Variants in NFASC observed in about 807,000 individuals in gnomAD.
The protein encoded by NFASC is neurofascin.
NFASC carries 43 observed loss-of-function variants against 147.5 expected under a neutral mutation model. That is an observed-to-expected ratio of 0.29 (90% CI 0.23 to 0.38). The LOEUF (loss-of-function observed/expected upper bound fraction) is 0.38. Ranked by LOEUF, NFASC falls within the 10% of genes least tolerant of loss-of-function variation. The pLI is 1.00. For synonymous variants in NFASC, 622 were observed against 665.5 expected, an observed-to-expected ratio of 0.93 and a Z score of 1.01; for missense variants, 1,320 against 1,689.0, an observed-to-expected ratio of 0.78 and a Z score of 3.83.
At chr1:204,980,511 T>C (rs908555457) in intron 20 of NFASC, 71 bp downstream of exon 20, 2 of 1,148,156 alleles carry the variant, frequency 1.7e-6, no homozygotes, top group African/African-American at 1.5e-5. Context: ...TCTCCCTTGA[T>C]GCCCCGACAC....
At chr1:204,850,671 A>G (rs952628660) in intron 1 of NFASC, among the ~76,000 whole-genome samples, 1 of 152,136 alleles carries the variant, frequency 6.6e-6, no homozygotes, top group African/African-American at 2.4e-5. Flanking sequence ...CCATGGTAAG[A>G]CGCGCTTGCT....
At chr1:204,936,192 C>T (rs12738657) in intron 2 of NFASC, among the ~76,000 whole-genome samples, 62,378 of 114,050 alleles carry the variant, frequency 0.55, 15,822 homozygotes, top group East Asian at 0.84. Flanking sequence ...CCCTCTCTCT[C>T]TCTTTCTTTT....
chr1:204,993,673 G>T (rs1182920702), intron 24 of NFASC: 4 of 470,236 alleles, frequency 8.5e-6, no homozygotes, highest in South Asian at 6.1e-5. Flanking sequence ...CGCTGTCCTT[G>T]GTCGCCAGGC....
chr1:204,957,915 G>C (rs549428536), intron 8 of NFASC, 89 bp downstream of exon 8: 7 of 1,245,990 alleles, frequency 5.6e-6, no homozygotes, highest in African/African-American at 1.5e-5. Context: ...TCTATAGGGG[G>C]AGACTTGTCC....
At chr1:204,854,728 G>T (rs1403323240) in intron 1 of NFASC, among the ~76,000 whole-genome samples, 1 of 152,176 alleles carries the variant, frequency 6.6e-6, no homozygotes, top group Non-Finnish European at 1.5e-5. Flanking sequence ...ATCAGTAGAT[G>T]GGTCTACTTA....
At chr1:204,925,971 G>C (rs2091421928) in intron 2 of NFASC, among the ~76,000 whole-genome samples, 2 of 152,172 alleles carry the variant, frequency 1.3e-5, no homozygotes, top group South Asian at 4.1e-4. Flanking sequence ...TGCTCAGGGA[G>C]GGAGAGGTTT....
intron 25 of NFASC, chr1:205,000,870 C>T (rs1031521012): frequency 1.4e-5 from 6 of 434,396 alleles, no homozygotes; most frequent in South Asian, 4.8e-5. Context: ...TCATTCCTAA[C>T]GCTACCTATG....
intron 1 of NFASC, among the ~76,000 whole-genome samples, chr1:204,890,975 C>T (rs1439295831): frequency 1.3e-5 from 2 of 152,160 alleles, no homozygotes; most frequent in Non-Finnish European, 2.9e-5. Flanking sequence ...AGGCCTTCTC[C>T]CAAGGATAGT....
Position 204,877,037 on chromosome 1 carries a change from TTA to T in NFASC, c.-199-43584_-199-43583del, listed in dbSNP as rs1182790256. Among the ~76,000 whole-genome samples the T allele has an allele frequency of 8.6e-3, 747 of 86,464 alleles. 33 individuals are homozygous for T. The highest frequency in any genetic ancestry group is 0.045 in the African/African-American group (636 of 14,064). 56.7% of individuals were successfully genotyped at this position (86,464 alleles called of 152,430 possible). A position where few individuals can be genotyped will look rare whatever the true frequency, so the allele number is the denominator to read the frequency against. On this transcript the variant is annotated intron_variant, in intron 1 of 29. Coordinates refer to ENST00000339876, the MANE Select transcript of NFASC (RefSeq NM_001005388.3). ...ATATATATATATATATAATATATAT[TTA>T]TATATATATAATATATTTATTTATA...
In NFASC at chr1:204,968,270, C is replaced by T. The variant is rs2095066757; in HGVS notation, c.728C>T (p.Thr243Ile). Residue 243 changes from threonine (T) to isoleucine (I), a missense_variant, in exon 9 of 30, where the codon ACA becomes ATA. By Grantham distance (89) the Thr-to-Ile change is moderately conservative (BLOSUM62 -1). Coordinates refer to ENST00000339876, the MANE Select transcript of NFASC (RefSeq NM_001005388.3). This position sits in a 1 kb window ranked among gnomAD's most constrained non-coding sequence, Gnocchi z 5.4. ...VLTTRGVAER[T>I]PSFMYPQGTA... ...TCAGCCCGAGGAGTTGCAGAAAGAACACCAAGCTTCATGTATCCCCAGGGC... is the reference window on the plus strand; with the variant it reads ...TCAGCCCGAGGAGTTGCAGAAAGAATACCAAGCTTCATGTATCCCCAGGGC... The T allele has an allele frequency of 6.2e-7, 1 of 1,614,082 alleles. No individual in the cohort carries two copies. Among genetic ancestry groups the T allele is most frequent in the Non-Finnish European group, 8.5e-7 (1 of 1,179,948 alleles).
chr1:204,845,279 T>A (rs1676654135), intron 1 of NFASC, among the ~76,000 whole-genome samples: 1 of 143,442 alleles, frequency 7.0e-6, no homozygotes, highest in Admixed American at 7.3e-5. Flanking sequence ...GGTAAAACCC[T>A]GTCTCTACTA....
At chr1:204,971,463 C>A (rs774583281) in intron 11 of NFASC, among the ~76,000 whole-genome samples, 1 of 152,002 alleles carries the variant, frequency 6.6e-6, no homozygotes, top group Non-Finnish European at 1.5e-5. Context: ...ATGGTATCAA[C>A]CAAATGGGGA....
At chr1:204,913,003 G>A (rs2088039086) in intron 1 of NFASC, among the ~76,000 whole-genome samples, 1 of 152,296 alleles carries the variant, frequency 6.6e-6, no homozygotes, top group Non-Finnish European at 1.5e-5. Context: ...ACTCCAATCT[G>A]AATGACAGAG....
chr1:204,984,324 T>TAC, intron 21 of NFASC: 2 of 466,118 alleles, frequency 4.3e-6, no homozygotes, highest in South Asian at 5.0e-5. Context: ...AAAAAAATTA[T>TAC]ATATATATGT....
chr1:205,004,520 TACATATTGTCC>T (rs942062038), intron 27 of NFASC, among the ~76,000 whole-genome samples: 2 of 152,204 alleles, frequency 1.3e-5, no homozygotes, highest in Non-Finnish European at 2.9e-5. Context: ...CAGCTCTGAG[TACATATTGTCC>T]ACTTCTCTCA....
rs1402365639 is a variant in NFASC at position 204,920,628 on chromosome 1, A to T, written c.-199-4A>T. On this transcript the variant is annotated splice_region_variant and splice_polypyrimidine_tract_variant and intron_variant, in intron 1 of 29. Transcript: ENST00000339876. ...GGGTTCTCCTTTGTGCTTGCTTGAGACAGGTTGATTGACTTATGTGCAATT... is the reference window on the plus strand; with the variant it reads ...GGGTTCTCCTTTGTGCTTGCTTGAGTCAGGTTGATTGACTTATGTGCAATT... 2 of 1,280,490 alleles carry T rather than the reference A, an allele frequency of 1.6e-6. No homozygotes were observed. The highest frequency in any genetic ancestry group is 2.5e-5 in the South Asian group (2 of 80,840). 79.3% of individuals were successfully genotyped at this position (1,280,490 alleles called of 1,614,324 possible). A position where few individuals can be genotyped will look rare whatever the true frequency, so the allele number is the denominator to read the frequency against.
chr1:204,960,127 C>G (rs2094598849), intron 8 of NFASC, among the ~76,000 whole-genome samples: 1 of 152,154 alleles, frequency 6.6e-6, no homozygotes, highest in Non-Finnish European at 1.5e-5. Flanking sequence ...CCTTCAGAAC[C>G]AGGTCTGGGG....
intron 1 of NFASC, among the ~76,000 whole-genome samples, chr1:204,875,217 A>C (rs932342707): frequency 2.6e-5 from 4 of 152,136 alleles, no homozygotes; most frequent in Non-Finnish European, 5.9e-5. Flanking sequence ...GAGTGTGAAC[A>C]AATCCAAATC....
At chr1:204,841,259 C>G (rs1675261826) in intron 1 of NFASC, among the ~76,000 whole-genome samples, 1 of 152,198 alleles carries the variant, frequency 6.6e-6, no homozygotes, top group Non-Finnish European at 1.5e-5. Flanking sequence ...AATGGAAGCT[C>G]AGAAGGGGAA....
Sources: allele counts gnomAD v4.1 joint callset (sites outside exome capture counted in the v4.1 genomes callset), GRCh38; gene constraint gnomAD v4.1.1; non-coding constraint Gnocchi (gnomAD v3.1); transcripts MANE v1.5; gene names NCBI Gene and HGNC (gene_info 2026-07-23, HGNC 2026-07-21).